GALNT18: variants seen among roughly 807,000 people sequenced by gnomAD.
GALNT18 encodes GalNAc-transferase 18.
Under a neutral mutation model 69.5 loss-of-function variants are expected in GALNT18, and 44 were observed. That is an observed-to-expected ratio of 0.63 (90% CI 0.50 to 0.81). The LOEUF (loss-of-function observed/expected upper bound fraction) is 0.81, where lower values mean the gene tolerates loss of function less well. Among genes scored for constraint, GALNT18 ranks in the 40% least tolerant of loss-of-function variants. The pLI, the probability that GALNT18 is intolerant of heterozygous loss-of-function variation, is 0.00. For synonymous variants in GALNT18, 364 were observed against 318.2 expected (o/e 1.14, Z -1.53); for missense variants, 715 against 810.0 (o/e 0.88, Z 1.42).
intron 1 of GALNT18, among the ~76,000 whole-genome samples, chr11:11,503,806 C>T (rs935576572): frequency 6.6e-6 from 1 of 152,132 alleles, no homozygotes; most frequent in African/African-American, 2.4e-5. Context: ...GAAAAGTGCA[C>T]CAAATACATG....
At chr11:11,519,920 T>A (rs1419919881) in intron 1 of GALNT18, among the ~76,000 whole-genome samples, 1 of 152,218 alleles carries the variant, frequency 6.6e-6, no homozygotes, top group Admixed American at 6.5e-5. Context: ...TCCCAGTGCC[T>A]GACAGAGGTG....
intron 3 of GALNT18, among the ~76,000 whole-genome samples, chr11:11,406,116 C>T (rs1469738547): frequency 1.3e-5 from 2 of 152,204 alleles, no homozygotes; most frequent in African/African-American, 4.8e-5. Flanking sequence ...AACTGTGTAA[C>T]TTATATCATC....
In GALNT18 at chr11:11,621,081, G is replaced by C. The variant is rs1341413673; in HGVS notation, c.235+278C>G. Among the ~76,000 whole-genome samples, 1 of 152,186 alleles carries C rather than the reference G, an allele frequency of 6.6e-6. No homozygotes were observed. Among genetic ancestry groups the C allele is most frequent in the Non-Finnish European group, 1.5e-5 (1 of 68,038 alleles). ...CAGCCCAGAGTCACACGCACATTTG[G>C]ACACGTGCGCAGCGCGCCCCCATAC... On this transcript the variant is annotated intron_variant, in intron 1 of 10. Transcript: ENST00000227756. This position sits in a 1 kb window ranked among gnomAD's most constrained non-coding sequence, Gnocchi z 9.3.
chr11:11,608,750 G>T (rs1191971439), intron 1 of GALNT18, among the ~76,000 whole-genome samples: 1 of 152,164 alleles, frequency 6.6e-6, no homozygotes, highest in Non-Finnish European at 1.5e-5. Context: ...TAGCAGCACT[G>T]ATTCTCATGA....
intron 1 of GALNT18, among the ~76,000 whole-genome samples, chr11:11,539,445 A>G (rs369400742): frequency 6.6e-6 from 1 of 152,200 alleles, no homozygotes; most frequent in Non-Finnish European, 1.5e-5. Context: ...CCACCCTTCC[A>G]GAGAGCTGTC....
chr11:11,333,887 A>G (rs1345745207), intron 7 of GALNT18, among the ~76,000 whole-genome samples: 1 of 152,116 alleles, frequency 6.6e-6, no homozygotes, highest in Non-Finnish European at 1.5e-5. Context: ...GAAAAAGCTG[A>G]TGCAAAAGCA....
chr11:11,281,179 C>G (rs531554878), intron 10 of GALNT18, among the ~76,000 whole-genome samples: 1 of 152,148 alleles, frequency 6.6e-6, no homozygotes, highest in African/African-American at 2.4e-5. Flanking sequence ...GATCTGTTGG[C>G]GTTTCCGGAG....
At chr11:11,291,366 G>T (rs1417956167) in intron 10 of GALNT18, among the ~76,000 whole-genome samples, 1 of 152,226 alleles carries the variant, frequency 6.6e-6, no homozygotes. Context: ...AGCACCTTGG[G>T]CATGTTCGTT....
At chr11:11,457,109 T>C (rs1855941260) in intron 1 of GALNT18, among the ~76,000 whole-genome samples, 2 of 152,198 alleles carry the variant, frequency 1.3e-5, no homozygotes, top group Non-Finnish European at 2.9e-5. Context: ...ATGCTGAAAG[T>C]AGGAATTCCT....
chr11:11,484,444 T>C (rs1856599489), intron 1 of GALNT18, among the ~76,000 whole-genome samples: 1 of 151,756 alleles, frequency 6.6e-6, no homozygotes, highest in South Asian at 2.1e-4. Flanking sequence ...AAATACAAAA[T>C]TAGCCAAGTA....
chr11:11,412,654 C>A (rs1854758416), intron 3 of GALNT18, among the ~76,000 whole-genome samples: 1 of 151,634 alleles, frequency 6.6e-6, no homozygotes, highest in Admixed American at 6.6e-5. Flanking sequence ...GTCAATATCC[C>A]AAGGCTTTTA....
intron 1 of GALNT18, among the ~76,000 whole-genome samples, chr11:11,518,499 C>T (rs1254437239): frequency 6.6e-6 from 1 of 152,152 alleles, no homozygotes; most frequent in Non-Finnish European, 1.5e-5. Flanking sequence ...GATGATGTAC[C>T]TTTAGGTGTC....
intron 1 of GALNT18, among the ~76,000 whole-genome samples, chr11:11,522,564 G>A (rs1378486717): frequency 6.6e-6 from 1 of 152,174 alleles, no homozygotes; most frequent in Non-Finnish European, 1.5e-5. Flanking sequence ...CAAGCAGAGG[G>A]AAGACCTCTG....
In GALNT18 at chr11:11,602,721, T is replaced by A. The variant is rs1003897681; in HGVS notation, c.235+18638A>T. Among the ~76,000 whole-genome samples, 1 of 152,208 alleles carries A rather than the reference T, an allele frequency of 6.6e-6. No homozygotes were observed. The highest frequency in any genetic ancestry group is 1.5e-5 in the Non-Finnish European group (1 of 68,036). Reference sequence around the variant, plus strand: ...AAAGGACCCACAGAGCTCCTCACACTGCCATTCCAGTTCTTCCCTAACCCC... The same window carrying A: ...AAAGGACCCACAGAGCTCCTCACACAGCCATTCCAGTTCTTCCCTAACCCC... On this transcript the variant is annotated intron_variant, in intron 1 of 10. Transcript: ENST00000227756. The surrounding 1 kb of genome is among the most constrained non-coding windows in gnomAD (Gnocchi z 4.7).
At chr11:11,478,067 G>T (rs943635559) in intron 1 of GALNT18, among the ~76,000 whole-genome samples, 8 of 152,292 alleles carry the variant, frequency 5.3e-5, no homozygotes, top group Admixed American at 5.2e-4. Flanking sequence ...ATCTATATTT[G>T]GGGTTGTTTG....
At chr11:11,302,270 A>C (rs1849508225) in intron 9 of GALNT18, among the ~76,000 whole-genome samples, 1 of 152,126 alleles carries the variant, frequency 6.6e-6, no homozygotes, top group African/African-American at 2.4e-5. Context: ...CTTGGCCTGG[A>C]GGTGCCTTGG....
intron 1 of GALNT18, among the ~76,000 whole-genome samples, chr11:11,575,113 A>G (rs561505902): frequency 7.9e-5 from 12 of 152,310 alleles, no homozygotes; most frequent in African/African-American, 2.6e-4. Context: ...GTCCAAGCTC[A>G]TTACCATGAA....
At position 11,564,313 on chromosome 11, in the gene GALNT18, A is replaced by G. The variant is rs1858589044; in HGVS notation, c.235+57046T>C. On this transcript the variant is annotated intron_variant, in intron 1 of 10. Transcript: ENST00000227756. The surrounding 1 kb of genome is among the most constrained non-coding windows in gnomAD (Gnocchi z 4.3). ...AGCCTCCCCTTCAGGTCCTAGAATG[A>G]CAGGCACATACATCCCTGGGAGTCT... is the stretch of plus-strand genomic sequence containing the variant. 1.3e-5 allele frequency among the ~76,000 whole-genome samples: 2 copies of G among 152,128 alleles called. No homozygotes were observed. The highest frequency in any genetic ancestry group is 4.2e-4 in the South Asian group (2 of 4,818).
Position 11,270,945 on chromosome 11 carries a change from T to C in GALNT18, c.*199A>G. ...CTGTCCCCTATTTACAACTGCAAAA[T>C]AGTTTGATATCATACCATCACCTAC... On this transcript the variant is annotated 3_prime_UTR_variant, in exon 11 of 11. Transcript: ENST00000227756. The C allele has an allele frequency of 2.1e-6, 1 of 469,728 alleles. No individual in the cohort carries two copies. Among genetic ancestry groups the C allele is most frequent in the East Asian group, 3.0e-5 (1 of 33,494 alleles). The allele number at this position is 469,728 out of a possible 1,614,324, so 29.1% of individuals were successfully genotyped here.
Sources: gnomAD v4.1 joint callset for allele counts (sites outside exome capture counted in the v4.1 genomes callset) on GRCh38, gnomAD v4.1.1 for gene constraint, Gnocchi (gnomAD v3.1) non-coding constraint, MANE v1.5 for transcripts, NCBI Gene and HGNC (gene_info 2026-07-23, HGNC 2026-07-21) for gene names.